Variants in AJAP1 observed in about 807,000 individuals in gnomAD.
AJAP1 encodes the protein adherens junction-associated protein 1.
Under a neutral mutation model 35.0 loss-of-function variants are expected in AJAP1, and 5 were observed. The ratio of observed to expected loss-of-function variants is 0.14; its 90% CI spans 0.07 to 0.30. The LOEUF is 0.30. Ranked by LOEUF, AJAP1 falls within the 10% of genes least tolerant of loss-of-function variation. The pLI, the probability that AJAP1 is intolerant of heterozygous loss-of-function variation, is 1.00. For synonymous variants in AJAP1, 284 were observed against 249.3 expected (o/e 1.14, Z -1.31); for missense variants, 586 against 571.0 (o/e 1.03, Z -0.27).
intron 2 of AJAP1, among the ~76,000 whole-genome samples, chr1:4,727,342 T>A (rs1289408186): frequency 6.6e-6 from 1 of 152,036 alleles, no homozygotes; most frequent in East Asian, 1.9e-4. Context: ...GTTTCAGGGG[T>A]CCCAGCCCAT....
intron 1 of AJAP1, among the ~76,000 whole-genome samples, chr1:4,669,748 C>A (rs1005614584): frequency 6.6e-6 from 1 of 152,158 alleles, no homozygotes; most frequent in African/African-American, 2.4e-5. Context: ...ATCAGTACTT[C>A]ACTCCTTTTT....
chr1:4,671,387 A>G (rs10915582), intron 1 of AJAP1, among the ~76,000 whole-genome samples: 36,858 of 149,126 alleles, frequency 0.25, 5,377 homozygotes, highest in South Asian at 0.49. Flanking sequence ...AAAAAAAAGA[A>G]TGGCAGCTGA....
At chr1:4,703,408 C>T (rs547925365) in intron 1 of AJAP1, among the ~76,000 whole-genome samples, 4 of 151,942 alleles carry the variant, frequency 2.6e-5, no homozygotes, top group African/African-American at 4.8e-5. Flanking sequence ...GGACACAGAG[C>T]GAGCCTGCTC....
intron 2 of AJAP1, among the ~76,000 whole-genome samples, chr1:4,747,429 C>T (rs941589937): frequency 1.3e-5 from 2 of 152,178 alleles, no homozygotes; most frequent in Admixed American, 1.3e-4. Flanking sequence ...GCCAGGGCCT[C>T]CTCCTCCTCC....
intron 2 of AJAP1, among the ~76,000 whole-genome samples, chr1:4,747,845 G>T (rs960927204): frequency 2.6e-5 from 4 of 151,880 alleles, no homozygotes; most frequent in African/African-American, 9.7e-5. Flanking sequence ...AAAATGTGCC[G>T]GGCGTGGTGG....
intron 1 of AJAP1, among the ~76,000 whole-genome samples, chr1:4,689,993 G>A (rs777636236): frequency 5.9e-5 from 9 of 151,930 alleles, no homozygotes; most frequent in South Asian, 4.2e-4. Flanking sequence ...CACTGCCCCC[G>A]GTTGAGACCC....
Position 4,733,236 on chromosome 1 carries a change from G to A in AJAP1, c.829+20537G>A, listed in dbSNP as rs147493509. On this transcript the variant is annotated intron_variant, in intron 2 of 5. Coordinates refer to ENST00000378191, the MANE Select transcript of AJAP1 (RefSeq NM_018836.4). ...CACGTGATTTTTAAAATGCAATGCC[G>A]CCTTCAGATGATCTGCATACCCAAG... Among the ~76,000 whole-genome samples the A allele has an allele frequency of 9.3e-4, 141 of 151,828 alleles. 1 individual carries two copies. Among genetic ancestry groups the A allele is most frequent in the African/African-American group, 3.3e-3 (137 of 41,380 alleles).
chr1:4,730,815 C>T (rs1640780054), intron 2 of AJAP1, among the ~76,000 whole-genome samples: 1 of 152,172 alleles, frequency 6.6e-6, no homozygotes, highest in Non-Finnish European at 1.5e-5. Context: ...ACATCTCAAG[C>T]AATGCTCAGA....
chr1:4,760,191 C>CTG (rs751529692), intron 2 of AJAP1, among the ~76,000 whole-genome samples: 1 of 151,542 alleles, frequency 6.6e-6, no homozygotes, highest in African/African-American at 2.4e-5. Context: ...GTGAGTGAGC[C>CTG]TGTGTGTGTG....
chr1:4,778,913 C>G (rs1641992815), intron 5 of AJAP1, among the ~76,000 whole-genome samples: 1 of 152,166 alleles, frequency 6.6e-6, no homozygotes, highest in Admixed American at 6.5e-5. Flanking sequence ...GTTTTGATTC[C>G]CTACTCCGGG....
intron 2 of AJAP1, among the ~76,000 whole-genome samples, chr1:4,754,502 G>T (rs1309372879): frequency 2.0e-5 from 3 of 152,266 alleles, no homozygotes; most frequent in Middle Eastern, 3.4e-3. Flanking sequence ...CATCCTCCTT[G>T]ACAGTCCCAA....
At chr1:4,663,847 G>C (rs938258680) in intron 1 of AJAP1, among the ~76,000 whole-genome samples, 1 of 152,166 alleles carries the variant, frequency 6.6e-6, no homozygotes, top group East Asian at 1.9e-4. Context: ...ACTGTTTGCC[G>C]TGTCTGCATA....
chr1:4,719,715 C>T (rs758845097), intron 2 of AJAP1, among the ~76,000 whole-genome samples: 4 of 152,128 alleles, frequency 2.6e-5, no homozygotes, highest in Admixed American at 2.0e-4. Flanking sequence ...TCCGAATTGC[C>T]CTAAGAATGG....
chr1:4,655,321 C>A lies in AJAP1; in HGVS notation c.-105C>A, dbSNP rs534409884. 1.8e-4 allele frequency: 187 copies of A among 1,029,770 alleles called. No individual in the cohort carries two copies. In the East Asian group the frequency reaches 7.7e-3, roughly 42 times the overall value. 63.8% of individuals were successfully genotyped at this position (1,029,770 alleles called of 1,614,324 possible). On this transcript the variant is annotated 5_prime_UTR_variant, in exon 1 of 6. Coordinates refer to ENST00000378191, the MANE Select transcript of AJAP1 (RefSeq NM_018836.4). The surrounding 1 kb of genome is among the most constrained non-coding windows in gnomAD (Gnocchi z 6.9). The stretch of plus-strand genomic sequence containing the variant: ...CGGCGGGCGGCGGGAGGCGGCGGAC[C>A]GAGAGCCGGAGACCGGCGCCGCGGG...
chr1:4,788,160 T>G lies in AJAP1; in HGVS notation c.*5675T>G. On this transcript the variant is annotated 3_prime_UTR_variant, in exon 6 of 6. Coordinates refer to ENST00000378191, the MANE Select transcript of AJAP1 (RefSeq NM_018836.4). ...TTTGCTCACTCTGAGCCAGGATCTC[T>G]GTGTTAGTTACACTCAGCCTTATCT... The G allele has an allele frequency of 5.1e-6, 1 of 197,086 alleles. No homozygotes were observed. The highest frequency in any genetic ancestry group is 1.0e-5 in the Non-Finnish European group (1 of 95,276). 12.2% of individuals were successfully genotyped at this position (197,086 alleles called of 1,614,324 possible). A position where few individuals can be genotyped will look rare whatever the true frequency, so the allele number is the denominator to read the frequency against.
Position 4,668,315 on chromosome 1 carries a change from A to G in AJAP1, c.29+12861A>G, listed in dbSNP as rs551513423. 4.3e-5 allele frequency among the ~76,000 whole-genome samples: 6 copies of G among 138,220 alleles called. No homozygotes were observed. The South Asian group carries it at 1.2e-3, about 27-fold the overall frequency. The allele number at this position is 138,220 out of a possible 152,430, so 90.7% of individuals were successfully genotyped here. A position where few individuals can be genotyped will look rare whatever the true frequency, so the allele number is the denominator to read the frequency against. On this transcript the variant is annotated intron_variant, in intron 1 of 5. Coordinates refer to ENST00000378191, the MANE Select transcript of AJAP1 (RefSeq NM_018836.4). Reference sequence around the variant, plus strand: ...GCCCTCTTCTTAAAGTAGCTTAGAGAGCAGTGCTGTGTGTGTGTGTGCGTG... The same window carrying G: ...GCCCTCTTCTTAAAGTAGCTTAGAGGGCAGTGCTGTGTGTGTGTGTGCGTG...
intron 1 of AJAP1, among the ~76,000 whole-genome samples, chr1:4,676,030 G>A (rs772559109): frequency 5.9e-5 from 9 of 152,328 alleles, no homozygotes; most frequent in Middle Eastern, 3.4e-3. Context: ...CTGTGTCCTC[G>A]TGCAGGGACG....
At chr1:4,759,926 CT>C (rs1641525725) in intron 2 of AJAP1, among the ~76,000 whole-genome samples, 1 of 152,216 alleles carries the variant, frequency 6.6e-6, no homozygotes, top group Admixed American at 6.5e-5. Flanking sequence ...GGCCCCTCAG[CT>C]GGTTCAAAGC....
rs1640289220 is a variant in AJAP1 at position 4,712,634 on chromosome 1, C to T, written c.764C>T (p.Pro255Leu). The change falls in exon 2 of 6, where the codon CCT becomes CTT. Residue 255 changes from proline to leucine, a missense_variant. Coordinates refer to ENST00000378191, the MANE Select transcript of AJAP1 (RefSeq NM_018836.4). Reference protein sequence around the residue: ...RIPGGVSTTEPSTSPSNNGEV... With the variant: ...RIPGGVSTTELSTSPSNNGEV... ...CCAGGTGGGGTTAGCACAACGGAGC[C>T]TTCCACCAGTCCCAGCAACAACGGG... 2 of 1,565,000 alleles carry T rather than the reference C, an allele frequency of 1.3e-6. No homozygotes were observed. The highest frequency in any genetic ancestry group is 1.8e-5 in the Admixed American group (1 of 55,000).
Sources: gnomAD v4.1 joint callset for allele counts (sites outside exome capture counted in the v4.1 genomes callset) on GRCh38, gnomAD v4.1.1 for gene constraint, Gnocchi (gnomAD v3.1) non-coding constraint, MANE v1.5 for transcripts, NCBI Gene and HGNC (gene_info 2026-07-23, HGNC 2026-07-21) for gene names.